GSS: variants seen among roughly 807,000 people sequenced by gnomAD.
GSS encodes GSH synthetase.
In GSS, 34 loss-of-function variants were observed where a neutral mutation model predicts 60.4. The ratio of observed to expected loss-of-function variants is 0.56; its 90% CI spans 0.43 to 0.75. GSS has a LOEUF of 0.75. Among genes scored for constraint, GSS ranks in the 30% least tolerant of loss-of-function variants. The probability of loss-of-function intolerance (pLI) is 0.00; values close to 1 mark genes in which losing one functional copy is unlikely to be tolerated. For synonymous variants in GSS, 224 were observed against 239.0 expected (o/e 0.94, Z 0.58); for missense variants, 499 against 595.1 (o/e 0.84, Z 1.68).
chr20:34,929,323 T>C, intron 12 of GSS, 78 bp downstream of exon 12: 1 of 1,178,212 alleles, frequency 8.5e-7, no homozygotes, highest in South Asian at 1.2e-5. Flanking sequence ...CTCTTTCCAG[T>C]GTTCCCCTCT....
intron 9 of GSS, among the ~76,000 whole-genome samples, chr20:34,933,087 C>A (rs984996129): frequency 6.6e-6 from 1 of 152,144 alleles, no homozygotes; most frequent in African/African-American, 2.4e-5. Flanking sequence ...CTCATGCAAT[C>A]CACCTACCTA....
At chr20:34,945,397 G>C (rs1160836843) in intron 3 of GSS, among the ~76,000 whole-genome samples, 1 of 138,698 alleles carries the variant, frequency 7.2e-6, no homozygotes, top group African/African-American at 2.7e-5. Context: ...AAAAAAAAAA[G>C]ATCAAGGGAA....
chr20:34,941,637 G>C, intron 6 of GSS, 76 bp downstream of exon 6: 1 of 835,984 alleles, frequency 1.2e-6, no homozygotes, highest in South Asian at 1.3e-5. Flanking sequence ...ATGATGGCTG[G>C]CAAGAAAAGA....
intron 2 of GSS, chr20:34,950,141 T>C (rs1443273531): frequency 2.0e-5 from 3 of 152,100 alleles, no homozygotes; most frequent in African/African-American, 7.2e-5. Context: ...AAGTGTTGGA[T>C]CTTCACATGG....
chr20:34,946,402 T>C lies in GSS; in HGVS notation c.130-304A>G, dbSNP rs6142264. ...AAGGTACTATTTTAAATACTTTACA[T>C]AGATTCATCATTCAGCCCTGTGAGG... On this transcript the variant is annotated intron_variant, in intron 2 of 12. Transcript: ENST00000651619. Among the ~76,000 whole-genome samples the C allele has an allele frequency of 7.1e-3, 1,080 of 152,330 alleles. 23 individuals carry two copies. The East Asian group carries it at 0.086, about 12-fold the overall frequency.
chr20:34,929,236 G>T, intron 12 of GSS, 165 bp downstream of exon 12: 1 of 752,294 alleles, frequency 1.3e-6, no homozygotes, highest in Non-Finnish European at 2.3e-6. Context: ...TGGGTCCTTG[G>T]CCTCATTTAA....
At chr20:34,952,476 C>G (rs1054277867) in intron 1 of GSS, among the ~76,000 whole-genome samples, 1 of 151,918 alleles carries the variant, frequency 6.6e-6, no homozygotes, top group African/African-American at 2.4e-5. Flanking sequence ...ACTCAGTCGC[C>G]TAGGCTGGAG....
intron 3 of GSS, among the ~76,000 whole-genome samples, chr20:34,943,990 A>C (rs1933235550): frequency 6.6e-6 from 1 of 152,200 alleles, no homozygotes; most frequent in South Asian, 2.1e-4. Context: ...TCAAGCCTGA[A>C]TCACCTTGTT....
rs752699433 is a variant in GSS, at chr20:34,928,949, T to G, written c.1304A>C (p.Gln435Pro). The change falls in exon 13 of 13, where the codon CAG (glutamine) becomes CCG (proline). Residue 435 changes from glutamine to proline, a missense_variant and splice_region_variant. Physicochemically the swap from Gln to Pro is moderately conservative, Grantham distance 76. Transcript: ENST00000651619. The part of the protein sequence containing the change: ...ELGIFGVYVR[Q>P]EKTLVMNKHV... ...CTTGTTCATCACGAGTGTCTTTTCC[T>G]GCCTATAGAAATGGAGGCAGGGGAC... 11 of 1,613,096 alleles carry G rather than the reference T, an allele frequency of 6.8e-6. No individual in the cohort carries two copies. The highest frequency in any genetic ancestry group is 9.3e-6 in the Non-Finnish European group (11 of 1,180,038).
chr20:34,935,539 C>G, intron 9 of GSS, 37 bp downstream of exon 9: 2 of 1,427,738 alleles, frequency 1.4e-6, no homozygotes, highest in Non-Finnish European at 2.0e-6. Flanking sequence ...CTTGTGGGTC[C>G]CAGGAGGCAA....
rs764765388 is a variant in GSS at position 34,941,820 on chromosome 20, G to A, written c.501C>T (p.Leu167=). The A allele has an allele frequency of 2.5e-6, 4 of 1,588,382 alleles. No homozygotes were observed. The highest frequency in any genetic ancestry group is 2.6e-6 in the Non-Finnish European group (3 of 1,158,156). The part of the protein sequence containing the change: ...SRTPAVHRHV[L]SVLSKTKEAG... Reference sequence around the variant, plus strand: ...CTTCTTTGGTCTTACTCAGGACACTGAGAACATGTCTGTTGGAAGAGAGAT... The same window carrying A: ...CTTCTTTGGTCTTACTCAGGACACTAAGAACATGTCTGTTGGAAGAGAGAT... The change falls in exon 6 of 13, where the codon CTC becomes CTT. Residue 167 remains leucine (L), a synonymous_variant. Coordinates refer to ENST00000651619, the MANE Select transcript of GSS (RefSeq NM_000178.4).
chr20:34,939,978 T>C (rs1026578965), intron 6 of GSS, among the ~76,000 whole-genome samples: 8 of 152,074 alleles, frequency 5.3e-5, no homozygotes, highest in Non-Finnish European at 5.9e-5. Context: ...CCTATTATTA[T>C]TATTGAAAGT....
chr20:34,930,963 A>G (rs967900342), intron 11 of GSS, among the ~76,000 whole-genome samples: 5 of 152,040 alleles, frequency 3.3e-5, no homozygotes, highest in African/African-American at 1.2e-4. Context: ...CTCTTAAGAC[A>G]AAGATTAAAA....
chr20:34,931,327 T>C lies in GSS; in HGVS notation c.1111+9A>G. On this transcript the variant is annotated intron_variant, in intron 11 of 12. Coordinates refer to ENST00000651619, the MANE Select transcript of GSS (RefSeq NM_000178.4). ...CATTGAGGAGCCCTGCAAAGGGAGATCCACCTACCTCCACCCTCTCTCTGG... is the reference window on the plus strand; with the variant it reads ...CATTGAGGAGCCCTGCAAAGGGAGACCCACCTACCTCCACCCTCTCTCTGG... 6.2e-7 allele frequency: 1 copy of C among 1,609,724 alleles called. No homozygotes were observed. The highest frequency in any genetic ancestry group is 8.5e-7 in the Non-Finnish European group (1 of 1,175,968).
intron 3 of GSS, 73 bp from the exon 4 acceptor site, chr20:34,943,079 A>G (rs1436090413): frequency 8.4e-6 from 8 of 954,008 alleles, no homozygotes; most frequent in Non-Finnish European, 1.3e-5. Context: ...ATCCTCAGTC[A>G]TTGACTCCTG....
At chr20:34,945,295 T>C (rs2147131652) in intron 3 of GSS, among the ~76,000 whole-genome samples, 1 of 151,876 alleles carries the variant, frequency 6.6e-6, no homozygotes, top group Non-Finnish European at 1.5e-5. Flanking sequence ...AGTGCTGGGA[T>C]TACAGGCCTG....
chr20:34,941,663 G>A, intron 6 of GSS, 50 bp downstream of exon 6: 1 of 1,002,470 alleles, frequency 1.0e-6, no homozygotes, highest in Non-Finnish European at 1.6e-6. Context: ...CTAAACCCAT[G>A]AATGCTGAAA....
chr20:34,936,745 A>C lies in GSS; in HGVS notation c.767+18T>G. On this transcript the variant is annotated intron_variant, in intron 8 of 12. Coordinates refer to ENST00000651619, the MANE Select transcript of GSS (RefSeq NM_000178.4). ...GTTTCATAAACCAGCCTTCCACTGG[A>C]TTCTTGGGAATGCTTACACAAACAG... The C allele has an allele frequency of 6.4e-7, 1 of 1,574,466 alleles. No homozygotes were observed. Among genetic ancestry groups the C allele is most frequent in the Non-Finnish European group, 8.7e-7 (1 of 1,143,734 alleles).
chr20:34,929,583 G>C lies in GSS; in HGVS notation c.1119C>G (p.Asn373Lys). The part of the protein sequence containing the change: ...LKPQREGGGN[N>K]LYGEEMVQAL... ...CCTGTACCATTTCCTCCCCATATAG[G>C]TTGTTACCTGCAATGAAACTGGCCA... The change falls in exon 12 of 13, where the codon AAC (asparagine) becomes AAG (lysine). Residue 373 changes from asparagine to lysine, a missense_variant. By Grantham distance (94) the Asn-to-Lys change is moderately conservative (BLOSUM62 0). Transcript: ENST00000651619. The C allele has an allele frequency of 6.2e-7, 1 of 1,613,634 alleles. No individual in the cohort carries two copies. Among genetic ancestry groups the C allele is most frequent in the Non-Finnish European group, 8.5e-7 (1 of 1,179,614 alleles).
Sources: allele counts gnomAD v4.1 joint callset (sites outside exome capture counted in the v4.1 genomes callset), GRCh38; gene constraint gnomAD v4.1.1; transcripts MANE v1.5; gene names NCBI Gene and HGNC (gene_info 2026-07-23, HGNC 2026-07-21).